The following AUTS2 variants were observed in gnomAD, a reference collection of about 807,000 sequenced individuals.
AUTS2 encodes autism susceptibility gene 2 protein.
A neutral mutation model predicts 112.4 loss-of-function variants in AUTS2; 17 were observed. The ratio of observed to expected loss-of-function variants is 0.15; its 90% confidence interval spans 0.10 to 0.23. AUTS2 has a LOEUF of 0.23. Among genes scored for constraint, AUTS2 ranks in the 10% least tolerant of loss-of-function variants. The probability of loss-of-function intolerance (pLI) is 1.00; values close to 1 mark genes in which losing one functional copy is unlikely to be tolerated. For missense variants in AUTS2, 1,510 were observed against 1,701.6 expected (o/e 0.89, Z 1.98); for synonymous variants, 751 against 702.7 (o/e 1.07, Z -1.09).
At chr7:70,616,434 C>T (rs1466436280) in intron 5 of AUTS2, among the ~76,000 whole-genome samples, 1 of 152,198 alleles carries the variant, frequency 6.6e-6, no homozygotes, top group Non-Finnish European at 1.5e-5. Context: ...AGGTACCATT[C>T]GGCTTTAACA....
At chr7:70,086,124 A>G (rs1400462620) in intron 2 of AUTS2, among the ~76,000 whole-genome samples, 2 of 152,148 alleles carry the variant, frequency 1.3e-5, no homozygotes, top group South Asian at 4.1e-4. Flanking sequence ...TTCCTTTTCA[A>G]AGTTGTTTTG....
intron 1 of AUTS2, among the ~76,000 whole-genome samples, chr7:69,892,461 A>G (rs1794570982): frequency 6.6e-6 from 1 of 152,188 alleles, no homozygotes; most frequent in Non-Finnish European, 1.5e-5. Context: ...TTATTAAATT[A>G]ATATATTCTG....
chr7:69,655,726 A>G (rs1795498620), intron 1 of AUTS2, among the ~76,000 whole-genome samples: 1 of 152,080 alleles, frequency 6.6e-6, no homozygotes, highest in South Asian at 2.1e-4. Flanking sequence ...TATTGAGAAT[A>G]TATGAAGGCT....
chr7:70,648,635 G>A (rs891621374), intron 5 of AUTS2, among the ~76,000 whole-genome samples: 77 of 152,290 alleles, frequency 5.1e-4, no homozygotes, highest in African/African-American at 1.8e-3. Flanking sequence ...AGGCTGGAGT[G>A]CAGTGGCGTA....
intron 2 of AUTS2, among the ~76,000 whole-genome samples, chr7:70,069,331 T>A (rs1347916074): frequency 6.6e-6 from 1 of 151,332 alleles, no homozygotes; most frequent in South Asian, 2.1e-4. Context: ...CAAGCAAGAT[T>A]GTAGATACTC....
At position 70,775,350 on chromosome 7, in the gene AUTS2, T is replaced by C; in HGVS notation, c.1903-7T>C. 1 of 1,612,480 alleles carries C rather than the reference T, an allele frequency of 6.2e-7. No individual in the cohort carries two copies. Among genetic ancestry groups the C allele is most frequent in the Non-Finnish European group, 8.5e-7 (1 of 1,179,408 alleles). ...CATGTAACCAAGTTGTCATTTTCTCTTCACAGTTGACAGATCCTTTCAGAC... is the reference window on the plus strand; with the variant it reads ...CATGTAACCAAGTTGTCATTTTCTCCTCACAGTTGACAGATCCTTTCAGAC... On this transcript the variant is annotated splice_region_variant and splice_polypyrimidine_tract_variant and intron_variant, in intron 12 of 18. Transcript: ENST00000342771.
At chr7:69,657,137 CA>C (rs371787535) in intron 1 of AUTS2, among the ~76,000 whole-genome samples, 4 of 152,146 alleles carry the variant, frequency 2.6e-5, no homozygotes, top group South Asian at 2.1e-4. Flanking sequence ...CCCCTCAGAA[CA>C]AAACATCCGG....
intron 5 of AUTS2, among the ~76,000 whole-genome samples, chr7:70,467,587 T>A (rs1335991624): frequency 6.6e-6 from 1 of 152,232 alleles, no homozygotes; most frequent in African/African-American, 2.4e-5. Flanking sequence ...TTGACTTTGA[T>A]TTTTTGGGGG....
chr7:69,718,242 A>T (rs1180629784), intron 1 of AUTS2, among the ~76,000 whole-genome samples: 1 of 152,248 alleles, frequency 6.6e-6, no homozygotes, highest in Non-Finnish European at 1.5e-5. Context: ...TGTGGTGGAT[A>T]TGTTAGTTTC....
intron 2 of AUTS2, among the ~76,000 whole-genome samples, chr7:69,903,826 A>AGGATGGCTTATGTGG (rs1323636242): frequency 3.9e-5 from 6 of 152,208 alleles, no homozygotes; most frequent in African/African-American, 1.4e-4. Flanking sequence ...CTTGCTGGTA[A>AGGATGGCTTATGTGG]GGATGGCTTA....
intron 1 of AUTS2, among the ~76,000 whole-genome samples, chr7:69,775,559 G>C (rs1788855578): frequency 6.6e-6 from 1 of 152,124 alleles, no homozygotes; most frequent in South Asian, 2.1e-4. Context: ...GACTTAGATT[G>C]GTCTGGCTGG....
chr7:70,203,500 A>G (rs1163134945), intron 4 of AUTS2, among the ~76,000 whole-genome samples: 2 of 150,638 alleles, frequency 1.3e-5, no homozygotes, highest in Admixed American at 1.3e-4. Context: ...AACCATATGC[A>G]TATTTGACAT....
intron 4 of AUTS2, among the ~76,000 whole-genome samples, chr7:70,193,831 A>T (rs755919561): frequency 6.6e-6 from 1 of 152,210 alleles, no homozygotes; most frequent in African/African-American, 2.4e-5. Context: ...TGTCAGTGTT[A>T]TTTAAATCTC....
chr7:70,568,074 T>C (rs1393102277), intron 5 of AUTS2, among the ~76,000 whole-genome samples: 1 of 152,250 alleles, frequency 6.6e-6, no homozygotes, highest in East Asian at 1.9e-4. Context: ...TTCGGAGTCA[T>C]AGAGCCATCG....
intron 1 of AUTS2, among the ~76,000 whole-genome samples, chr7:69,811,121 G>A (rs2129524878): frequency 6.6e-6 from 1 of 152,144 alleles, no homozygotes; most frequent in East Asian, 1.9e-4. Flanking sequence ...TTTTTACTCT[G>A]CACCACTCTA....
At chr7:70,480,736 C>T (rs1797758550) in intron 5 of AUTS2, among the ~76,000 whole-genome samples, 1 of 152,132 alleles carries the variant, frequency 6.6e-6, no homozygotes, top group South Asian at 2.1e-4. Flanking sequence ...GAACTTAGTC[C>T]AGCTGAGGAG....
At chr7:70,788,796 C>A (rs182791487) in intron 18 of AUTS2, among the ~76,000 whole-genome samples, 26 of 152,346 alleles carry the variant, frequency 1.7e-4, no homozygotes, top group African/African-American at 5.8e-4. Flanking sequence ...ACACCAGCAC[C>A]AAGCCAGCAT....
chr7:70,764,238 G>A (rs913860464), intron 7 of AUTS2, among the ~76,000 whole-genome samples: 7 of 152,116 alleles, frequency 4.6e-5, no homozygotes, highest in Non-Finnish European at 7.4e-5. Context: ...CTGCCCCCTC[G>A]GCCGTTTCTG....
At chr7:70,756,668 TCTA>T (rs1295048134) in intron 6 of AUTS2, among the ~76,000 whole-genome samples, 3 of 151,936 alleles carry the variant, frequency 2.0e-5, no homozygotes, top group African/African-American at 4.9e-5. Flanking sequence ...TCTAAATACT[TCTA>T]CTACAAATGC....
Sources: allele counts gnomAD v4.1 joint callset (sites outside exome capture counted in the v4.1 genomes callset), GRCh38; gene constraint gnomAD v4.1.1; transcripts MANE v1.5; gene names NCBI Gene and HGNC (gene_info 2026-07-23, HGNC 2026-07-21).